WDR86: variants seen among roughly 807,000 people sequenced by gnomAD.
WDR86 encodes WD repeat-containing protein 86.
In WDR86, 30 loss-of-function variants were observed where a neutral mutation model predicts 36.5. That is an observed-to-expected ratio of 0.82 (90% CI 0.61 to 1.11). The LOEUF is 1.11. Among genes scored for constraint, WDR86 ranks in the 50% most tolerant of loss-of-function variants. The pLI is 0.00. For missense variants in WDR86, 545 were observed against 561.2 expected (o/e 0.97, Z 0.29); for synonymous variants, 255 against 252.9 (o/e 1.01, Z -0.08).
intron 2 of WDR86, among the ~76,000 whole-genome samples, chr7:151,396,451 C>T (rs907706517): frequency 3.3e-5 from 5 of 152,220 alleles, no homozygotes; most frequent in East Asian, 1.9e-4. Context: ...TTAGATGCTC[C>T]GCTGGGATCC....
At chr7:151,397,885 G>A (rs2150826328) in intron 2 of WDR86, among the ~76,000 whole-genome samples, 1 of 151,652 alleles carries the variant, frequency 6.6e-6, no homozygotes, top group South Asian at 2.1e-4. Context: ...GGTATGGAGG[G>A]GGTGGCTGAG....
chr7:151,383,662 G>A (rs1350827517), intron 4 of WDR86, among the ~76,000 whole-genome samples: 1 of 152,128 alleles, frequency 6.6e-6, no homozygotes, highest in African/African-American at 2.4e-5. Context: ...GGCCCCAGAG[G>A]GGAAGTTTCA....
rs561430190 is a variant in WDR86 at position 151,390,590 on chromosome 7, C to T, written c.726+5186G>A. On this transcript the variant is annotated intron_variant, in intron 3 of 5. Transcript: ENST00000334493. The surrounding 1 kb of genome is among the most constrained non-coding windows in gnomAD (Gnocchi z 4.5). ...ATACCCGAGAACTGAAGGCAGGATG[C>T]ACCCAGATCCCGTCCACCCGTTCAC... Among the ~76,000 whole-genome samples the T allele has an allele frequency of 7.2e-5, 11 of 152,240 alleles. 1 individual carries two copies. The highest frequency in any genetic ancestry group is 2.9e-5 in the Non-Finnish European group (2 of 68,044).
intron 4 of WDR86, among the ~76,000 whole-genome samples, chr7:151,384,035 A>AT (rs1482028017): frequency 6.6e-6 from 1 of 152,172 alleles, no homozygotes; most frequent in African/African-American, 2.4e-5. Context: ...ACGAAAAATA[A>AT]TTTTTCTGTG....
rs1801058163 is a variant in WDR86, at chr7:151,409,696, G to T, written c.-107C>A. 7.7e-7 allele frequency: 1 copy of T among 1,298,936 alleles called. No individual in the cohort carries two copies. Among genetic ancestry groups the T allele is most frequent in the Non-Finnish European group, 9.7e-7 (1 of 1,027,668 alleles). 80.5% of individuals were successfully genotyped at this position (1,298,936 alleles called of 1,614,324 possible). A position where few individuals can be genotyped will look rare whatever the true frequency, so the allele number is the denominator to read the frequency against. On this transcript the variant is annotated 5_prime_UTR_variant, in exon 1 of 6. Transcript: ENST00000334493. This position sits in a 1 kb window ranked among gnomAD's most constrained non-coding sequence, Gnocchi z 5.2. ...GACTGCGGCCCGCGGCCATCGCGGG[G>T]AACGGGGAGCCCGACTCCTGCGGAG...
In WDR86 at chr7:151,405,144, G is replaced by A. The variant is rs1377507355; in HGVS notation, c.163+4283C>T. On this transcript the variant is annotated intron_variant, in intron 1 of 5. Coordinates refer to ENST00000334493, the MANE Select transcript of WDR86 (RefSeq NM_198285.3). This position sits in a 1 kb window ranked among gnomAD's most constrained non-coding sequence, Gnocchi z 4.7. ...TCCCCCTCTTTTCCACCCTGCCACC[G>A]CCATCTGCATGGACTTCACAGTGGG... 3.9e-5 allele frequency among the ~76,000 whole-genome samples: 6 copies of A among 152,120 alleles called. No individual in the cohort carries two copies. Among genetic ancestry groups the A allele is most frequent in the Admixed American group, 1.3e-4 (2 of 15,302 alleles).
chr7:151,394,794 C>A (rs117445749), intron 3 of WDR86, among the ~76,000 whole-genome samples: 1 of 152,190 alleles, frequency 6.6e-6, no homozygotes, highest in Non-Finnish European at 1.5e-5. Context: ...ACAATGCGTT[C>A]GAGGATTTTC....
intron 3 of WDR86, among the ~76,000 whole-genome samples, chr7:151,389,489 G>A (rs958169430): frequency 4.6e-5 from 7 of 152,132 alleles, no homozygotes; most frequent in African/African-American, 9.7e-5. Flanking sequence ...GGCCCACCAG[G>A]AAACCTCAGC....
chr7:151,377,090 C>A, downstream of WDR86: 1 of 1,578,946 alleles, frequency 6.3e-7, no homozygotes, highest in East Asian at 2.3e-5. Context: ...AGACAGAGGC[C>A]GTCAATGAGA....
intron 4 of WDR86, among the ~76,000 whole-genome samples, chr7:151,383,569 G>A (rs1194631796): frequency 1.3e-5 from 2 of 152,102 alleles, no homozygotes; most frequent in East Asian, 1.9e-4. Flanking sequence ...CTCCCGCCTT[G>A]GCTTCCCAAA....
At chr7:151,374,143 G>T, downstream of WDR86, 1 of 1,574,024 alleles carries the variant, frequency 6.4e-7, no homozygotes, top group Non-Finnish European at 8.6e-7. Context: ...AAAAGACGCC[G>T]CCTCGAGAAC....
intron 2 of WDR86, among the ~76,000 whole-genome samples, chr7:151,398,052 G>C (rs993637001): frequency 6.6e-5 from 10 of 152,204 alleles, no homozygotes; most frequent in Non-Finnish European, 1.2e-4. Flanking sequence ...ACAGAGCTAT[G>C]GGTTTGGAGC....
Position 151,400,082 on chromosome 7 carries a change from GC to G in WDR86, c.305+17del. The G allele has an allele frequency of 1.3e-6, 2 of 1,544,592 alleles. No individual in the cohort carries two copies. The highest frequency in any genetic ancestry group is 1.2e-5 in the South Asian group (1 of 80,502). On this transcript the variant is annotated intron_variant, in intron 2 of 5. Coordinates refer to ENST00000334493, the MANE Select transcript of WDR86 (RefSeq NM_198285.3). The stretch of plus-strand genomic sequence containing the variant: ...CTATGTATGGTGAGACTCAGCCCAA[GC>G]CCCCAGCCAGGCTGACCTGTTCACG...
rs1563059188 is a variant in WDR86 at position 151,397,678 on chromosome 7, A to AGGTG, written c.306-1483_306-1482insCACC. On this transcript the variant is annotated intron_variant, in intron 2 of 5. Transcript: ENST00000334493. ...GGAAGGGCATAGCGGGAGGAAGAGC[A>AGGTG]TAGCGGGAGGAAGAGGGTGTAGTGG... 4.4e-3 allele frequency among the ~76,000 whole-genome samples: 107 copies of AGGTG among 24,414 alleles called. 2 individuals are homozygous for AGGTG. Among genetic ancestry groups the AGGTG allele is most frequent in the Non-Finnish European group, 5.8e-3 (54 of 9,240 alleles). The allele number at this position is 24,414 out of a possible 152,430, so 16.0% of individuals were successfully genotyped here.
chr7:151,402,211 T>G (rs1306743298), intron 1 of WDR86, among the ~76,000 whole-genome samples: 1 of 151,090 alleles, frequency 6.6e-6, no homozygotes, highest in African/African-American at 2.4e-5. Flanking sequence ...CAGCAGCCAC[T>G]AGGGCTGGAA....
rs754596053 is a variant in WDR86, at chr7:151,395,992, G to A, written c.510C>T (p.Ser170=). 1.3e-6 allele frequency: 2 copies of A among 1,599,074 alleles called. No homozygotes were observed. The highest frequency in any genetic ancestry group is 2.7e-5 in the African/African-American group (2 of 74,724). Residue 170 remains serine (S), a synonymous_variant, in exon 3 of 6, where the codon AGC becomes AGT. Transcript: ENST00000334493. ...GCCACACCTTGGCTGTGCCATCTGT[G>A]CTGCCGGTCACCAGAAGCCCCCCGG... ...AAAGGLLVTG[S]TDGTAKVWQV...
downstream of WDR86, chr7:151,375,831 G>T (rs1798192177): frequency 6.5e-7 from 1 of 1,542,188 alleles, no homozygotes; most frequent in African/African-American, 1.4e-5. Flanking sequence ...GGTAAAGGGT[G>T]TTCCTGTGTG....
chr7:151,409,475 C>T lies in WDR86; in HGVS notation c.115G>A (p.Ala39Thr), dbSNP rs1275734823. 6.5e-7 allele frequency: 1 copy of T among 1,537,236 alleles called. No individual in the cohort carries two copies. Among genetic ancestry groups the T allele is most frequent in the Admixed American group, 2.0e-5 (1 of 51,118 alleles). The change falls in exon 1 of 6, where the codon GCC (alanine) becomes ACC (threonine). Residue 39 changes from alanine to threonine, a missense_variant. Transcript: ENST00000334493. The surrounding 1 kb of genome is among the most constrained non-coding windows in gnomAD (Gnocchi z 5.2). ...RLLTGSEDGTARLWSTADGQC... is the reference protein window; with the variant it reads ...RLLTGSEDGTTRLWSTADGQC... ...CCGTCCGCGGTGCTCCAGAGCCGGG[C>T]CGTGCCGTCCTCGCTGCCCGTCAGC...
intron 3 of WDR86, among the ~76,000 whole-genome samples, chr7:151,391,504 C>T (rs1386601988): frequency 6.6e-6 from 1 of 152,188 alleles, no homozygotes; most frequent in Non-Finnish European, 1.5e-5. Context: ...CATGGCCCCC[C>T]ACACGCAGCT....
Sources: gnomAD v4.1 joint callset for allele counts (sites outside exome capture counted in the v4.1 genomes callset) on GRCh38, gnomAD v4.1.1 for gene constraint, Gnocchi (gnomAD v3.1) non-coding constraint, MANE v1.5 for transcripts, NCBI Gene and HGNC (gene_info 2026-07-23, HGNC 2026-07-21) for gene names.